HIBCH: variants seen among roughly 807,000 people sequenced by gnomAD.
The protein encoded by HIBCH is 3-hydroxyisobutyryl-CoA hydrolase, also known as 3-hydroxyisobutyryl-CoA hydrolase, mitochondrial.
A neutral mutation model predicts 58.2 loss-of-function variants in HIBCH; 50 were observed. The ratio of observed to expected loss-of-function variants is 0.86; its 90% CI spans 0.68 to 1.09. The LOEUF is 1.09. Ranked by LOEUF, HIBCH falls within the 50% of genes least tolerant of loss-of-function variation. The pLI, the probability that HIBCH is intolerant of heterozygous loss-of-function variation, is 0.00. For synonymous variants in HIBCH, 151 were observed against 146.9 expected (o/e 1.03, Z -0.20); for missense variants, 450 against 449.7 (o/e 1.00, Z -0.01).
At chr2:190,230,383 A>G (rs1164718583) in intron 11 of HIBCH, among the ~76,000 whole-genome samples, 1 of 152,242 alleles carries the variant, frequency 6.6e-6, no homozygotes, top group African/African-American at 2.4e-5. Context: ...AAATCTGACA[A>G]CTTAAATAAA....
chr2:190,255,985 G>A (rs917916397), intron 7 of HIBCH, among the ~76,000 whole-genome samples: 3 of 152,118 alleles, frequency 2.0e-5, no homozygotes, highest in African/African-American at 7.2e-5. Flanking sequence ...TTACGATCAT[G>A]GCAGAAGGCA....
intron 6 of HIBCH, among the ~76,000 whole-genome samples, chr2:190,274,546 C>G (rs1466147715): frequency 6.6e-6 from 1 of 152,160 alleles, no homozygotes; most frequent in Non-Finnish European, 1.5e-5. Context: ...ACTTAATTTT[C>G]TATTATTCAT....
Position 190,293,857 on chromosome 2 carries a change from G to T in HIBCH, c.304+689C>A, listed in dbSNP as rs570249814. ...ATTATAATAAATACATGACACTGAT[G>T]CTGAGAACAGACATTTCTTCTCTTT... On this transcript the variant is annotated intron_variant, in intron 4 of 13. Coordinates refer to ENST00000359678, the MANE Select transcript of HIBCH (RefSeq NM_014362.4). Among the ~76,000 whole-genome samples the T allele has an allele frequency of 3.3e-5, 5 of 151,870 alleles. No individual in the cohort carries two copies. The South Asian group carries it at 1.0e-3, about 32-fold the overall frequency.
rs1311743490 is a variant in HIBCH at position 190,281,410 on chromosome 2, G to A, written c.438+6176C>T. ...GAGGAGCACTGTGCTGGAATTCTGGGAGCAGAGGCCCAAGCAGCCCCGGGC... is the reference window on the plus strand; with the variant it reads ...GAGGAGCACTGTGCTGGAATTCTGGAAGCAGAGGCCCAAGCAGCCCCGGGC... On this transcript the variant is annotated intron_variant, in intron 6 of 13. Transcript: ENST00000359678. This position sits in a 1 kb window ranked among gnomAD's most constrained non-coding sequence, Gnocchi z 5.4. Among the ~76,000 whole-genome samples, 1 of 152,138 alleles carries A rather than the reference G, an allele frequency of 6.6e-6. No homozygotes were observed. Among genetic ancestry groups the A allele is most frequent in the African/African-American group, 2.4e-5 (1 of 41,414 alleles).
At chr2:190,307,092 C>T (rs1275511089) in intron 2 of HIBCH, among the ~76,000 whole-genome samples, 2 of 152,144 alleles carry the variant, frequency 1.3e-5, no homozygotes, top group East Asian at 3.9e-4. Flanking sequence ...CTATCATCTA[C>T]TATATTCTTG....
At chr2:190,190,837 C>T (rs966890201) in intron 1 of HIBCH, among the ~76,000 whole-genome samples, 6 of 151,982 alleles carry the variant, frequency 3.9e-5, no homozygotes, top group Non-Finnish European at 7.4e-5. Flanking sequence ...TGAATTTTAA[C>T]GCATGTTTAG....
chr2:190,283,723 C>A (rs1687763829), intron 6 of HIBCH, among the ~76,000 whole-genome samples: 1 of 152,064 alleles, frequency 6.6e-6, no homozygotes, highest in Non-Finnish European at 1.5e-5. Flanking sequence ...GTTGGGCATA[C>A]CTGATGGAAG....
downstream of HIBCH, chr2:190,200,131 G>A (rs1690182196): frequency 6.2e-7 from 1 of 1,613,748 alleles, no homozygotes; most frequent in Admixed American, 1.7e-5. Context: ...TCCATACATT[G>A]AGAGTGAGGG....
At chr2:190,297,721 TG>T (rs1232765584) in intron 2 of HIBCH, among the ~76,000 whole-genome samples, 1 of 152,204 alleles carries the variant, frequency 6.6e-6, no homozygotes, top group Admixed American at 6.5e-5. Flanking sequence ...CCCAGGACTC[TG>T]CTATACCCAA....
chr2:190,231,398 T>C (rs35974968), intron 11 of HIBCH, among the ~76,000 whole-genome samples: 3,309 of 152,290 alleles, frequency 0.022, 126 homozygotes, highest in African/African-American at 0.074. Context: ...AAAATTACTG[T>C]AATTTACATT....
chr2:190,208,766 T>C, intron 13 of HIBCH, 114 bp downstream of exon 13: 3 of 847,598 alleles, frequency 3.5e-6, no homozygotes, highest in South Asian at 1.4e-5. Context: ...TTTCAGATTT[T>C]GGTACATTTT....
chr2:190,276,664 TG>T (rs1273419140), intron 6 of HIBCH, among the ~76,000 whole-genome samples: 1 of 152,236 alleles, frequency 6.6e-6, no homozygotes. Context: ...CTGCTATAAT[TG>T]GAAGTTACCT....
intron 6 of HIBCH, among the ~76,000 whole-genome samples, chr2:190,284,410 T>C (rs567622112): frequency 6.6e-6 from 1 of 152,310 alleles, no homozygotes; most frequent in African/African-American, 2.4e-5. Flanking sequence ...TGCCCACTTA[T>C]AGCACCAAAG....
chr2:190,213,402 C>T (rs1690559225), intron 11 of HIBCH: 2 of 320,880 alleles, frequency 6.2e-6, no homozygotes, highest in South Asian at 6.1e-5. Flanking sequence ...ACAAACCAAT[C>T]ATATTCATGG....
chr2:190,287,614 G>GCAA lies in HIBCH; in HGVS notation c.407_409dup (p.Val136dup), dbSNP rs1232710573. The GCAA allele has an allele frequency of 3.7e-6, 6 of 1,611,108 alleles. No homozygotes were observed. Among genetic ancestry groups the GCAA allele is most frequent in the Non-Finnish European group, 8.5e-7 (1 of 1,177,752 alleles). On this transcript the variant is annotated inframe_insertion, in exon 6 of 14. Transcript: ENST00000359678. The stretch of plus-strand genomic sequence containing the variant: ...ACCCATTGTAATTCCATGAATAAGT[G>GCAA]CAACATAAGGTTTCTGGCAAGAACC...
rs1351925898 is a variant in HIBCH, at chr2:190,217,740, C to G, written c.892-4665G>C. Among the ~76,000 whole-genome samples the G allele has an allele frequency of 1.3e-5, 2 of 152,180 alleles. No homozygotes were observed. The highest frequency in any genetic ancestry group is 2.9e-5 in the Non-Finnish European group (2 of 68,030). ...GGAAAGAAGACATGCTCCACCCAAGCTGGGAAAGTCCGTAACAAGTGCTCC... is the reference window on the plus strand; with the variant it reads ...GGAAAGAAGACATGCTCCACCCAAGGTGGGAAAGTCCGTAACAAGTGCTCC... On this transcript the variant is annotated intron_variant, in intron 11 of 13. Transcript: ENST00000359678. This position sits in a 1 kb window ranked among gnomAD's most constrained non-coding sequence, Gnocchi z 4.6.
intron 2 of HIBCH, among the ~76,000 whole-genome samples, chr2:190,301,285 A>G (rs955533291): frequency 6.6e-6 from 1 of 152,220 alleles, no homozygotes; most frequent in Non-Finnish European, 1.5e-5. Context: ...CCCTAGGTCT[A>G]TGATAAAGTC....
Position 190,206,122 on chromosome 2 carries a change from T to A in HIBCH, c.1046-890A>T, listed in dbSNP as rs143757380. 2.6e-5 allele frequency among the ~76,000 whole-genome samples: 4 copies of A among 152,268 alleles called. No homozygotes were observed. In the East Asian group the frequency reaches 7.7e-4, roughly 29 times the overall value. ...AACTAGAAAAACCTAATTTAGCATTTAAAGGCTAAAATAGTTAAAGAAGCA... is the reference window on the plus strand; with the variant it reads ...AACTAGAAAAACCTAATTTAGCATTAAAAGGCTAAAATAGTTAAAGAAGCA... On this transcript the variant is annotated intron_variant, in intron 13 of 13. Transcript: ENST00000359678. This position sits in a 1 kb window ranked among gnomAD's most constrained non-coding sequence, Gnocchi z 5.1.
At chr2:190,226,515 A>C (rs748735275) in intron 11 of HIBCH, among the ~76,000 whole-genome samples, 41 of 149,416 alleles carry the variant, frequency 2.7e-4, no homozygotes, top group Non-Finnish European at 2.8e-4. Flanking sequence ...GAATCGCTTG[A>C]ACCTGGGAGG....
Sources: gnomAD v4.1 joint callset for allele counts (sites outside exome capture counted in the v4.1 genomes callset) on GRCh38, gnomAD v4.1.1 for gene constraint, Gnocchi (gnomAD v3.1) non-coding constraint, MANE v1.5 for transcripts, NCBI Gene and HGNC (gene_info 2026-07-23, HGNC 2026-07-21) for gene names.